The following FRMD4B variants were observed in gnomAD, a reference collection of about 807,000 sequenced individuals.
FRMD4B encodes FERM domain-containing protein 4B.
In FRMD4B, 74 loss-of-function variants were observed where a neutral mutation model predicts 141.5. The ratio of observed to expected loss-of-function variants is 0.52; its 90% CI spans 0.43 to 0.63. The LOEUF is 0.63. Ranked by LOEUF, FRMD4B falls within the 30% of genes least tolerant of loss-of-function variation. The pLI, the probability that FRMD4B is intolerant of heterozygous loss-of-function variation, is 0.00. For synonymous variants in FRMD4B, 506 were observed against 467.9 expected (o/e 1.08, Z -1.05); for missense variants, 1,366 against 1,253.4 (o/e 1.09, Z -1.36).
At chr3:69,253,910 C>G (rs969763309) in intron 5 of FRMD4B, among the ~76,000 whole-genome samples, 4 of 151,906 alleles carry the variant, frequency 2.6e-5, no homozygotes, top group African/African-American at 9.7e-5. Flanking sequence ...TAGCGAAACC[C>G]TGCTCTACAA....
chr3:69,218,479 T>G, intron 9 of FRMD4B, 100 bp from the exon 10 acceptor site: 1 of 600,652 alleles, frequency 1.7e-6, no homozygotes, highest in Non-Finnish European at 3.0e-6. Flanking sequence ...CTTTCCTTAT[T>G]ATAAGAATAA....
chr3:69,417,982 C>T (rs886235031), intron 2 of FRMD4B, among the ~76,000 whole-genome samples: 1 of 152,136 alleles, frequency 6.6e-6, no homozygotes, highest in Non-Finnish European at 1.5e-5. Context: ...CCTCCCTTTG[C>T]CTTTCTTTCA....
intron 5 of FRMD4B, among the ~76,000 whole-genome samples, chr3:69,278,623 G>C (rs1423969869): frequency 6.7e-6 from 1 of 148,662 alleles, no homozygotes; most frequent in Non-Finnish European, 1.5e-5. Context: ...TTTTTGCCCT[G>C]CCGCTCAGGC....
chr3:69,180,963 G>A lies in FRMD4B; in HGVS notation c.2787C>T (p.Cys929=), dbSNP rs777044557. ...SFDSDRGSQR[C]LGFAGLQVPC... ...GTACTTGCAGCCCCGCAAACCCCAG[G>A]CATCTCTGTGATCCCCTGTCTGAGT... The change falls in exon 21 of 23, where the codon TGC becomes TGT. Residue 929 remains cysteine, a synonymous_variant. Transcript: ENST00000398540. 12 of 1,613,876 alleles carry A rather than the reference G, an allele frequency of 7.4e-6. No homozygotes were observed. The South Asian group carries it at 1.3e-4, about 18-fold the overall frequency.
chr3:69,273,788 G>A (rs990398319), intron 5 of FRMD4B, among the ~76,000 whole-genome samples: 1 of 152,114 alleles, frequency 6.6e-6, no homozygotes, highest in Non-Finnish European at 1.5e-5. Context: ...AAGAGGTAGT[G>A]CAGTTGCGAG....
intron 7 of FRMD4B, among the ~76,000 whole-genome samples, chr3:69,232,186 C>T (rs6802558): frequency 3.3e-5 from 5 of 151,956 alleles, no homozygotes; most frequent in Non-Finnish European, 7.4e-5. Flanking sequence ...CTAATGGCAA[C>T]GGATATGTTA....
chr3:69,297,302 G>A (rs957109725), intron 4 of FRMD4B, among the ~76,000 whole-genome samples: 1 of 152,140 alleles, frequency 6.6e-6, no homozygotes, highest in Non-Finnish European at 1.5e-5. Flanking sequence ...TTTTCACCCA[G>A]AGGTAGCAGT....
intron 1 of FRMD4B, among the ~76,000 whole-genome samples, chr3:69,528,786 G>A (rs1172272953): frequency 6.7e-6 from 1 of 148,558 alleles, no homozygotes; most frequent in Non-Finnish European, 1.5e-5. Flanking sequence ...AATGAGACAA[G>A]AAAGATAAGG....
intron 1 of FRMD4B, among the ~76,000 whole-genome samples, chr3:69,318,008 G>C (rs565422308): frequency 3.2e-4 from 48 of 152,122 alleles, no homozygotes; most frequent in African/African-American, 1.1e-3. Context: ...GTCTCACTCT[G>C]TCACCCAGGC....
At chr3:69,453,870 A>G (rs1705539460) in intron 1 of FRMD4B, among the ~76,000 whole-genome samples, 1 of 152,206 alleles carries the variant, frequency 6.6e-6, no homozygotes, top group African/African-American at 2.4e-5. Flanking sequence ...ATGAGTGAGA[A>G]AAATGGATGT....
chr3:69,408,730 T>C (rs1704700561), intron 2 of FRMD4B, among the ~76,000 whole-genome samples: 1 of 151,978 alleles, frequency 6.6e-6, no homozygotes, highest in African/African-American at 2.4e-5. Context: ...TTGGAGATAG[T>C]TGCGTGGAGT....
upstream of FRMD4B, among the ~76,000 whole-genome samples, chr3:69,390,833 C>T (rs139206521): frequency 3.9e-5 from 6 of 152,180 alleles, no homozygotes; most frequent in African/African-American, 1.4e-4. Context: ...GTGGAGGTTG[C>T]AATGAGCTGA....
At chr3:69,490,663 T>C (rs1265506729) in intron 1 of FRMD4B, among the ~76,000 whole-genome samples, 2 of 152,172 alleles carry the variant, frequency 1.3e-5, no homozygotes, top group Non-Finnish European at 1.5e-5. Flanking sequence ...GTAGCTTCTG[T>C]CTTGGTTTCC....
At chr3:69,248,002 C>G (rs36012249) in intron 7 of FRMD4B, among the ~76,000 whole-genome samples, 13,410 of 151,436 alleles carry the variant, frequency 0.089, 1,106 homozygotes, top group African/African-American at 0.22. Flanking sequence ...ATGTTGGCCA[C>G]GCTGGTCTGG....
chr3:69,331,356 G>A (rs894252679), intron 1 of FRMD4B, among the ~76,000 whole-genome samples: 3 of 152,144 alleles, frequency 2.0e-5, no homozygotes, highest in Non-Finnish European at 4.4e-5. Flanking sequence ...CGGTGGTTGG[G>A]AGCAGCCCCT....
At chr3:69,310,575 CACACACAGAGAGAGAG>C (rs2107219120) in intron 3 of FRMD4B, 1 of 255,982 alleles carries the variant, frequency 3.9e-6, no homozygotes, top group Admixed American at 5.1e-5. Flanking sequence ...CACACACACA[CACACACAGAGAGAGAG>C]AGAGAGAGAG....
rs1339718594 is a variant in FRMD4B, at chr3:69,461,970, G to T, written c.-128-29209C>A. ...TTTATACTTAGTAAGAGGCAGGCCTGCTCTGGGGGCCTTCTCTATATTATC... is the reference window on the plus strand; with the variant it reads ...TTTATACTTAGTAAGAGGCAGGCCTTCTCTGGGGGCCTTCTCTATATTATC... On this transcript the variant is annotated intron_variant, in intron 1 of 5. Transcript: ENST00000459638. 2.0e-5 allele frequency among the ~76,000 whole-genome samples: 3 copies of T among 152,242 alleles called. No individual in the cohort carries two copies. In the South Asian group the frequency reaches 6.2e-4, roughly 32 times the overall value.
rs368398474 is a variant in FRMD4B, at chr3:69,181,204, C to T, written c.2546G>A (p.Arg849His). Residue 849 changes from arginine (R) to histidine (H), a missense_variant, in exon 21 of 23, where the codon CGC becomes CAC. Arg to His is a conservative substitution (Grantham distance 29, BLOSUM62 0). Transcript: ENST00000398540. ...YRSSAHYGYE[R>H]QRDYSRSFHE... is the part of the protein sequence containing the mutation. ...AAAGGATCTGCTGTAGTCCCTCTGGCGCTCATATCCATAGTGGGCTGAGGA... is the reference window on the plus strand; with the variant it reads ...AAAGGATCTGCTGTAGTCCCTCTGGTGCTCATATCCATAGTGGGCTGAGGA... 5.8e-5 allele frequency: 93 copies of T among 1,613,852 alleles called. No homozygotes were observed. The highest frequency in any genetic ancestry group is 7.2e-5 in the Non-Finnish European group (85 of 1,179,874).
chr3:69,219,116 G>A lies in FRMD4B; in HGVS notation c.732-737C>T, dbSNP rs2093169266. 2.1e-5 allele frequency among the ~76,000 whole-genome samples: 3 copies of A among 145,780 alleles called. No individual in the cohort carries two copies. The Admixed American group carries it at 2.1e-4, about 10-fold the overall frequency. On this transcript the variant is annotated intron_variant, in intron 9 of 22. Coordinates refer to ENST00000398540, the MANE Select transcript of FRMD4B (RefSeq NM_015123.3). ...GGAGGTGGAGGTTGCAGTGAGCCGA[G>A]ATTGCACTATTGCACTCCAGCCTGG...
Sources: gnomAD v4.1 joint callset for allele counts (sites outside exome capture counted in the v4.1 genomes callset) on GRCh38, gnomAD v4.1.1 for gene constraint, MANE v1.5 for transcripts, NCBI Gene and HGNC (gene_info 2026-07-23, HGNC 2026-07-21) for gene names.